The following FRAS1 variants were observed in gnomAD, a reference collection of about 807,000 sequenced individuals.
FRAS1 encodes Fraser extracellular matrix complex subunit 1, also known as extracellular matrix organizing protein FRAS1.
A neutral mutation model predicts 435.2 loss-of-function variants in FRAS1; 290 were observed. That is an observed-to-expected ratio of 0.67 (90% CI 0.61 to 0.73). The LOEUF is 0.73. FRAS1 is among the 30% of genes least tolerant of loss of function. FRAS1 has a pLI of 0.00. For missense variants in FRAS1, 4,860 were observed against 5,001.5 expected (o/e 0.97, Z 0.85); for synonymous variants, 1,800 against 1,851.0 (o/e 0.97, Z 0.71).
chr4:78,495,595 C>T (rs1262205859), intron 59 of FRAS1, among the ~76,000 whole-genome samples: 1 of 152,102 alleles, frequency 6.6e-6, no homozygotes, highest in Non-Finnish European at 1.5e-5. Flanking sequence ...CCATCTTCAG[C>T]TTTGAGTCTA....
chr4:78,473,664 G>A (rs1719777238), intron 53 of FRAS1, 67 bp downstream of exon 53: 1 of 1,275,364 alleles, frequency 7.8e-7, no homozygotes. Context: ...TCAGGATGAA[G>A]GATGCTGGGG....
rs1578259688 is a variant in FRAS1, at chr4:78,335,883, T to C, written c.2279-1791T>C. On this transcript the variant is annotated intron_variant, in intron 19 of 73. Coordinates refer to ENST00000512123, the MANE Select transcript of FRAS1 (RefSeq NM_025074.7). Reference sequence around the variant, plus strand: ...ACAGTACTAAAATTTAAGGACTTTATTGTAGCACCGTGTGTGGTGGTTTTT... The same window carrying C: ...ACAGTACTAAAATTTAAGGACTTTACTGTAGCACCGTGTGTGGTGGTTTTT... Among the ~76,000 whole-genome samples the C allele has an allele frequency of 4.0e-5, 6 of 151,120 alleles. No individual in the cohort carries two copies. In the South Asian group the frequency reaches 1.3e-3, roughly 32 times the overall value.
intron 2 of FRAS1, among the ~76,000 whole-genome samples, chr4:78,216,735 G>T (rs888115354): frequency 3.9e-5 from 6 of 152,202 alleles, no homozygotes; most frequent in African/African-American, 1.4e-4. Context: ...GGAAAGCCAT[G>T]ATAGAGAATA....
At chr4:78,111,816 A>G (rs930755732) in intron 2 of FRAS1, among the ~76,000 whole-genome samples, 3 of 151,862 alleles carry the variant, frequency 2.0e-5, no homozygotes, top group African/African-American at 4.8e-5. Context: ...AAAGTCCTGA[A>G]TAGTTCACTG....
chr4:78,103,673 A>G (rs537104768), intron 2 of FRAS1, among the ~76,000 whole-genome samples: 1 of 152,282 alleles, frequency 6.6e-6, no homozygotes, highest in African/African-American at 2.4e-5. Flanking sequence ...CCTATATAAA[A>G]GAGAGCTCAG....
intron 20 of FRAS1, among the ~76,000 whole-genome samples, chr4:78,343,756 G>A (rs1730492930): frequency 6.6e-6 from 1 of 152,176 alleles, no homozygotes; most frequent in South Asian, 2.1e-4. Context: ...CCCAGTTTAA[G>A]TTGAACATAA....
In FRAS1 at chr4:78,116,395, C is replaced by G. The variant is rs188369605; in HGVS notation, c.108+50379C>G. Among the ~76,000 whole-genome samples, 88 of 152,234 alleles carry G rather than the reference C, an allele frequency of 5.8e-4. 3 individuals are homozygous for G. The highest frequency in any genetic ancestry group is 2.0e-3 in the African/African-American group (84 of 41,540). ...ATTCCTGGATATCCTTGTTAACTTT[C>G]TGTCTCGTTGATCTGTCTAATGTTG... On this transcript the variant is annotated intron_variant, in intron 2 of 73. Transcript: ENST00000512123.
At chr4:78,196,625 G>A (rs976446252) in intron 2 of FRAS1, among the ~76,000 whole-genome samples, 3 of 150,434 alleles carry the variant, frequency 2.0e-5, no homozygotes, top group African/African-American at 7.3e-5. Context: ...TCCTGAATTG[G>A]TGTCTCTAAC....
At chr4:78,330,002 G>T (rs1030031068) in intron 18 of FRAS1, among the ~76,000 whole-genome samples, 5 of 152,124 alleles carry the variant, frequency 3.3e-5, no homozygotes, top group Non-Finnish European at 7.4e-5. Context: ...AAAATTGAGA[G>T]AATGAACAAG....
chr4:78,252,700 GA>G (rs1725601030), intron 5 of FRAS1, 149 bp downstream of exon 5: 1 of 786,532 alleles, frequency 1.3e-6, no homozygotes, highest in African/African-American at 1.8e-5. Flanking sequence ...ACAAAGAGAG[GA>G]ATTTTACAGC....
At chr4:78,407,982 G>A (rs1733167829) in intron 31 of FRAS1, 141 bp downstream of exon 31, 2 of 703,406 alleles carry the variant, frequency 2.8e-6, no homozygotes, top group Admixed American at 6.4e-5. Flanking sequence ...TCATGCTACT[G>A]ATAAAGACAT....
intron 29 of FRAS1, among the ~76,000 whole-genome samples, chr4:78,393,139 A>T (rs1296301026): frequency 6.6e-6 from 1 of 151,956 alleles, no homozygotes; most frequent in African/African-American, 2.4e-5. Flanking sequence ...ACCACTATCC[A>T]GGTCTTTGAC....
intron 6 of FRAS1, among the ~76,000 whole-genome samples, chr4:78,261,044 CCTCT>C (rs1469885376): frequency 2.6e-5 from 4 of 151,994 alleles, no homozygotes; most frequent in East Asian, 1.9e-4. Context: ...TTAGATTGCT[CCTCT>C]CTGTTTCCTT....
intron 2 of FRAS1, among the ~76,000 whole-genome samples, chr4:78,142,092 T>G (rs1454523090): frequency 6.6e-6 from 1 of 151,844 alleles, no homozygotes; most frequent in East Asian, 1.9e-4. Flanking sequence ...AAGAACTTAC[T>G]CATATAACCA....
intron 2 of FRAS1, among the ~76,000 whole-genome samples, chr4:78,132,880 C>T (rs897388030): frequency 7.2e-5 from 11 of 152,112 alleles, no homozygotes; most frequent in Admixed American, 2.6e-4. Flanking sequence ...AATGGTTCTG[C>T]GTGTTTACAT....
At chr4:78,386,568 A>G (rs1732224675) in intron 28 of FRAS1, among the ~76,000 whole-genome samples, 1 of 152,234 alleles carries the variant, frequency 6.6e-6, no homozygotes, top group African/African-American at 2.4e-5. Context: ...TGGATTAAAG[A>G]AAGCAGTGTG....
At chr4:78,329,904 G>T (rs1270514989) in intron 18 of FRAS1, among the ~76,000 whole-genome samples, 2 of 152,154 alleles carry the variant, frequency 1.3e-5, no homozygotes, top group African/African-American at 2.4e-5. Flanking sequence ...GTCTATTGGG[G>T]GCTCCACTGT....
intron 20 of FRAS1, among the ~76,000 whole-genome samples, chr4:78,360,192 G>C (rs1578272593): frequency 6.6e-6 from 1 of 152,170 alleles, no homozygotes; most frequent in African/African-American, 2.4e-5. Flanking sequence ...GAGAAGGAGG[G>C]CTGCTCAGTC....
intron 22 of FRAS1, among the ~76,000 whole-genome samples, chr4:78,369,620 G>A (rs1167317372): frequency 6.9e-6 from 1 of 145,714 alleles, no homozygotes; most frequent in Non-Finnish European, 1.5e-5. Context: ...TATTGGGTTT[G>A]CACTTTATAT....
Sources: allele counts gnomAD v4.1 joint callset (sites outside exome capture counted in the v4.1 genomes callset), GRCh38; gene constraint gnomAD v4.1.1; transcripts MANE v1.5; gene names NCBI Gene and HGNC (gene_info 2026-07-23, HGNC 2026-07-21).